Variants in PDE7A observed in about 807,000 individuals in gnomAD.
PDE7A encodes the protein high affinity 3',5'-cyclic-AMP phosphodiesterase 7A.
Under a neutral mutation model 64.3 loss-of-function variants are expected in PDE7A, and 39 were observed. That is an observed-to-expected ratio of 0.61 (90% CI 0.47 to 0.79). PDE7A has a LOEUF of 0.79. Ranked by LOEUF, PDE7A falls within the 30% of genes least tolerant of loss-of-function variation. PDE7A has a pLI of 0.00. For missense variants in PDE7A, 470 were observed against 582.8 expected (o/e 0.81, Z 1.99); for synonymous variants, 203 against 206.8 (o/e 0.98, Z 0.16).
At chr8:65,791,035 C>G (rs889970014) in intron 1 of PDE7A, among the ~76,000 whole-genome samples, 2 of 152,196 alleles carry the variant, frequency 1.3e-5, no homozygotes, top group African/African-American at 4.8e-5. Context: ...AGGGATGCTA[C>G]CCTTCCCACC....
intron 3 of PDE7A, among the ~76,000 whole-genome samples, chr8:65,771,790 G>A (rs892448552): frequency 6.8e-6 from 1 of 148,042 alleles, no homozygotes; most frequent in Non-Finnish European, 1.5e-5. Context: ...CAGGAGAATC[G>A]CTTGAACCTG....
rs556680878 is a variant in PDE7A at position 65,715,128 on chromosome 8, T to G, written c.*4162A>C. ...TTTAGTCTCCCATGTAAAATAAATT[T>G]TGCATTCTGTTCTGTAATATTTACT... On this transcript the variant is annotated 3_prime_UTR_variant, in exon 13 of 13. Transcript: ENST00000401827. Among the ~76,000 whole-genome samples the G allele has an allele frequency of 1.5e-3, 230 of 152,304 alleles. No homozygotes were observed. The highest frequency in any genetic ancestry group is 3.4e-3 in the Middle Eastern group (1 of 294).
intron 3 of PDE7A, among the ~76,000 whole-genome samples, chr8:65,751,863 A>G (rs1475749090): frequency 6.6e-6 from 1 of 152,216 alleles, no homozygotes; most frequent in African/African-American, 2.4e-5. Flanking sequence ...AAATGGTAGC[A>G]TATTTTACAA....
At chr8:65,732,470 G>A (rs754943447) in intron 7 of PDE7A, among the ~76,000 whole-genome samples, 1 of 152,178 alleles carries the variant, frequency 6.6e-6, no homozygotes, top group Non-Finnish European at 1.5e-5. Context: ...AGTATAAAAC[G>A]TGATGCTGTG....
intron 8 of PDE7A, 24 bp downstream of exon 8, chr8:65,727,146 T>C (rs766114093): frequency 7.4e-7 from 1 of 1,351,134 alleles, no homozygotes; most frequent in Non-Finnish European, 1.1e-6. Flanking sequence ...AAATAATAAA[T>C]CTTGATGATA....
chr8:65,770,347 G>A (rs1267419655), intron 3 of PDE7A, among the ~76,000 whole-genome samples: 1 of 152,190 alleles, frequency 6.6e-6, no homozygotes, highest in Non-Finnish European at 1.5e-5. Flanking sequence ...CATAATCAGG[G>A]CAGAAGGCAA....
chr8:65,757,640 A>C (rs1808299028), intron 3 of PDE7A, among the ~76,000 whole-genome samples: 1 of 152,054 alleles, frequency 6.6e-6, no homozygotes. Flanking sequence ...GTTTTTTAAG[A>C]CTGAGTCTCG....
intron 1 of PDE7A, among the ~76,000 whole-genome samples, chr8:65,840,964 G>C (rs1358747295): frequency 1.3e-5 from 2 of 152,254 alleles, no homozygotes; most frequent in Non-Finnish European, 2.9e-5. Context: ...CGCGAACCCC[G>C]TACAGTTGTG....
chr8:65,800,828 T>C (rs1011314634), intron 1 of PDE7A, among the ~76,000 whole-genome samples: 15 of 152,178 alleles, frequency 9.9e-5, no homozygotes, highest in African/African-American at 3.6e-4. Context: ...GCTTAAAGTT[T>C]CGTCCAGTGC....
At chr8:65,822,492 T>G (rs1018182282) in intron 1 of PDE7A, among the ~76,000 whole-genome samples, 1 of 152,242 alleles carries the variant, frequency 6.6e-6, no homozygotes, top group African/African-American at 2.4e-5. Context: ...ATTCACTTTC[T>G]ATATTTGCTA....
chr8:65,801,098 G>A (rs773365816), intron 1 of PDE7A, among the ~76,000 whole-genome samples: 4 of 152,100 alleles, frequency 2.6e-5, no homozygotes, highest in Non-Finnish European at 5.9e-5. Context: ...ACTTTGACTA[G>A]TGACTCCAAT....
chr8:65,744,552 C>G (rs533145901), intron 5 of PDE7A, among the ~76,000 whole-genome samples: 1 of 152,078 alleles, frequency 6.6e-6, no homozygotes, highest in Non-Finnish European at 1.5e-5. Flanking sequence ...GGGCATTTTC[C>G]CCCAAACCAC....
Position 65,841,533 on chromosome 8 carries a change from G to T in PDE7A, c.-25C>A. 1.4e-6 allele frequency: 2 copies of T among 1,432,178 alleles called. No individual in the cohort carries two copies. The highest frequency in any genetic ancestry group is 1.8e-6 in the Non-Finnish European group (2 of 1,094,054). 88.7% of individuals were successfully genotyped at this position (1,432,178 alleles called of 1,614,324 possible). ...TTGAATACGCCCGCCCTGCCTCCGC[G>T]CGGCGCCCGCCCTGCCGCGGCCGCC... On this transcript the variant is annotated 5_prime_UTR_variant, in exon 1 of 13. Coordinates refer to ENST00000401827, the MANE Select transcript of PDE7A (RefSeq NM_001242318.3).
At chr8:65,788,426 T>G (rs894807369) in intron 1 of PDE7A, among the ~76,000 whole-genome samples, 1 of 152,172 alleles carries the variant, frequency 6.6e-6, no homozygotes, top group African/African-American at 2.4e-5. Flanking sequence ...TAGCAAGACC[T>G]TAGGAGAAAA....
chr8:65,818,684 T>C (rs1203961857), intron 1 of PDE7A, among the ~76,000 whole-genome samples: 1 of 152,216 alleles, frequency 6.6e-6, no homozygotes, highest in East Asian at 1.9e-4. Context: ...TGTGCAAGCA[T>C]GTACCTTTGG....
chr8:65,830,093 A>G (rs1810777698), intron 1 of PDE7A, among the ~76,000 whole-genome samples: 1 of 152,084 alleles, frequency 6.6e-6, no homozygotes, highest in Non-Finnish European at 1.5e-5. Flanking sequence ...CCACTTCATA[A>G]AAGAAAACCG....
At chr8:65,814,497 C>T (rs1383365450) in intron 1 of PDE7A, among the ~76,000 whole-genome samples, 30 of 98,082 alleles carry the variant, frequency 3.1e-4, no homozygotes, top group African/African-American at 1.2e-3. Flanking sequence ...GGCGACAGAG[C>T]GAGACTCCGT....
chr8:65,737,963 T>A (rs1807222889), intron 6 of PDE7A, among the ~76,000 whole-genome samples: 1 of 152,254 alleles, frequency 6.6e-6, no homozygotes, highest in Admixed American at 6.5e-5. Context: ...TTAAAAAGGA[T>A]ATCAAATCAA....
At chr8:65,799,153 A>G (rs1809929391) in intron 1 of PDE7A, among the ~76,000 whole-genome samples, 1 of 152,156 alleles carries the variant, frequency 6.6e-6, no homozygotes. Context: ...AGAGTACAAT[A>G]TCTTGATTGG....
Sources: allele counts gnomAD v4.1 joint callset (sites outside exome capture counted in the v4.1 genomes callset), GRCh38; gene constraint gnomAD v4.1.1; transcripts MANE v1.5; gene names NCBI Gene and HGNC (gene_info 2026-07-23, HGNC 2026-07-21).